Variants in CAGE1 observed in about 807,000 individuals in gnomAD.
The protein encoded by CAGE1 is cancer-associated gene 1 protein.
In CAGE1, 66 loss-of-function variants were observed where a neutral mutation model predicts 94.9. The ratio of observed to expected loss-of-function variants is 0.70; its 90% CI spans 0.57 to 0.85. The LOEUF (loss-of-function observed/expected upper bound fraction) is 0.85, where lower values mean the gene tolerates loss of function less well. CAGE1 is among the 40% of genes least tolerant of loss of function. CAGE1 has a pLI of 0.00. For synonymous variants in CAGE1, 319 were observed against 321.0 expected (o/e 0.99, Z 0.07); for missense variants, 865 against 950.4 (o/e 0.91, Z 1.18).
At chr6:7,327,121 C>T (rs866486182) in intron 13 of CAGE1, among the ~76,000 whole-genome samples, 2 of 152,092 alleles carry the variant, frequency 1.3e-5, no homozygotes, top group Non-Finnish European at 2.9e-5. Flanking sequence ...GGTACAATCT[C>T]GGCTCACTGC....
At chr6:7,328,989 T>G (rs1758644396) in intron 13 of CAGE1, 1 of 168,168 alleles carries the variant, frequency 5.9e-6, no homozygotes, top group Non-Finnish European at 1.2e-5. Flanking sequence ...TGGAGTGCGG[T>G]GGTAAGATCT....
intron 11 of CAGE1, among the ~76,000 whole-genome samples, chr6:7,345,804 A>T (rs911330842): frequency 6.6e-6 from 1 of 152,122 alleles, no homozygotes; most frequent in Non-Finnish European, 1.5e-5. Context: ...AGGCCCCCAT[A>T]GTCCCAGCTA....
Position 7,328,906 on chromosome 6 carries a change from GTGTGTGTGTGTGTA to G in CAGE1, c.2478+929_2478+942del, listed in dbSNP as rs1182528853. Among the ~76,000 whole-genome samples, 96 of 101,072 alleles carry G rather than the reference GTGTGTGTGTGTGTA, an allele frequency of 9.5e-4. 2 individuals carry two copies. Among genetic ancestry groups the G allele is most frequent in the Non-Finnish European group, 1.1e-3 (58 of 50,788 alleles). The allele number at this position is 101,072 out of a possible 152,430, so 66.3% of individuals were successfully genotyped here. On this transcript the variant is annotated intron_variant, in intron 13 of 13. Transcript: ENST00000502583. ...TGTGTGTGTGTGTGTGTGTGTGTGT[GTGTGTGTGTGTGTA>G]TATATATATATATATTTTTTTTTTT...
At chr6:7,379,112 T>C in intron 3 of CAGE1, 92 bp from the exon 4 acceptor site, 2 of 741,410 alleles carry the variant, frequency 2.7e-6, no homozygotes, top group South Asian at 2.5e-5. Context: ...TAAACTGCTG[T>C]AGCCACTTAA....
At chr6:7,344,612 C>T (rs1351087657) in intron 11 of CAGE1, among the ~76,000 whole-genome samples, 1 of 152,146 alleles carries the variant, frequency 6.6e-6, no homozygotes, top group Non-Finnish European at 1.5e-5. Context: ...GCGTACGGCC[C>T]GAGACTGGAA....
Position 7,373,221 on chromosome 6 carries a change from A to G in CAGE1, c.1598T>C (p.Leu533Pro). The G allele has an allele frequency of 6.2e-7, 1 of 1,611,124 alleles. No individual in the cohort carries two copies. The highest frequency in any genetic ancestry group is 8.5e-7 in the Non-Finnish European group (1 of 1,178,290). Residue 533 changes from leucine (L) to proline (P), a missense_variant, in exon 5 of 14, where the codon CTT (leucine) becomes CCT (proline). Coordinates refer to ENST00000502583, the MANE Select transcript of CAGE1 (RefSeq NM_001170692.2). The stretch of plus-strand genomic sequence containing the variant: ...TTTTACTTCGTTGATTTGCTGCTGA[A>G]GTTTTATATTCTTCGTTCTTTCATT... The part of the protein sequence containing the change: ...SENERTKNIK[L>P]QQQINEVKNE...
At chr6:7,351,855 CA>C (rs1759779382) in intron 11 of CAGE1, among the ~76,000 whole-genome samples, 1 of 152,090 alleles carries the variant, frequency 6.6e-6, no homozygotes, top group South Asian at 2.1e-4. Flanking sequence ...CAATTCTCAG[CA>C]AAACTGGCAT....
In CAGE1 at chr6:7,329,840, G is replaced by A; in HGVS notation, c.2478+9C>T. On this transcript the variant is annotated intron_variant, in intron 13 of 13. Transcript: ENST00000502583. ...AAGATTCTTTATCATGATCATCAAGGTGACCTACCATGGTCATGGACTTCG... is the reference window on the plus strand; with the variant it reads ...AAGATTCTTTATCATGATCATCAAGATGACCTACCATGGTCATGGACTTCG... The A allele has an allele frequency of 7.4e-7, 1 of 1,353,736 alleles. No individual in the cohort carries two copies. The highest frequency in any genetic ancestry group is 1.0e-6 in the Non-Finnish European group (1 of 959,108). 83.9% of individuals were successfully genotyped at this position (1,353,736 alleles called of 1,614,324 possible).
chr6:7,384,532 C>G lies in CAGE1; in HGVS notation c.283+1253G>C, dbSNP rs557356202. ...CTGTAATCCCAACACTTTGGGACAC[C>G]GAGGCAGGAGACTCACTTGAGCCCA... On this transcript the variant is annotated intron_variant, in intron 3 of 13. Coordinates refer to ENST00000502583, the MANE Select transcript of CAGE1 (RefSeq NM_001170692.2). 4.6e-5 allele frequency among the ~76,000 whole-genome samples: 7 copies of G among 152,046 alleles called. No individual in the cohort carries two copies. The South Asian group carries it at 1.0e-3, about 23-fold the overall frequency.
chr6:7,378,006 T>G (rs1223161222), intron 4 of CAGE1, among the ~76,000 whole-genome samples: 1 of 152,228 alleles, frequency 6.6e-6, no homozygotes, highest in Non-Finnish European at 1.5e-5. Context: ...AGAGAAATCT[T>G]GTTTTTCTTG....
At chr6:7,368,646 C>T (rs1476776387) in intron 7 of CAGE1, 42 bp downstream of exon 7, 2 of 1,065,690 alleles carry the variant, frequency 1.9e-6, no homozygotes, top group Non-Finnish European at 2.7e-6. Context: ...TATTTTTTCA[C>T]TAAAAATAAT....
At position 7,362,661 on chromosome 6, in the gene CAGE1, G is replaced by T. The variant is rs772959062; in HGVS notation, c.2193+2807C>A. 2.6e-5 allele frequency among the ~76,000 whole-genome samples: 4 copies of T among 152,116 alleles called. No homozygotes were observed. The highest frequency in any genetic ancestry group is 9.7e-5 in the African/African-American group (4 of 41,408). On this transcript the variant is annotated intron_variant, in intron 9 of 13. Transcript: ENST00000502583. The surrounding 1 kb of genome is among the most constrained non-coding windows in gnomAD (Gnocchi z 4.1). ...CATGAGCATCACCCTGCACTCCAGC[G>T]GCCACACCTTGCTGGCCCAGAGTTC... is the stretch of plus-strand genomic sequence containing the variant.
At chr6:7,338,837 T>G (rs989597150) in intron 11 of CAGE1, 14 of 1,139,356 alleles carry the variant, frequency 1.2e-5, no homozygotes, top group Middle Eastern at 2.8e-4. Context: ...AAGGAGATCC[T>G]GTTATGCTGT....
intron 9 of CAGE1, among the ~76,000 whole-genome samples, chr6:7,357,596 G>T (rs1760001357): frequency 6.6e-6 from 1 of 151,956 alleles, no homozygotes; most frequent in Non-Finnish European, 1.5e-5. Context: ...CTTCCTTACA[G>T]AATAATATTT....
chr6:7,358,403 A>C (rs1477065971), intron 9 of CAGE1, among the ~76,000 whole-genome samples: 2 of 152,068 alleles, frequency 1.3e-5, no homozygotes, highest in Non-Finnish European at 2.9e-5. Context: ...ATTTTCATTG[A>C]ATGAATATAT....
Position 7,356,111 on chromosome 6 carries a change from G to A in CAGE1, c.2212C>T (p.Leu738Phe). 2 of 1,546,074 alleles carry A rather than the reference G, an allele frequency of 1.3e-6. No individual in the cohort carries two copies. The highest frequency in any genetic ancestry group is 1.8e-6 in the Non-Finnish European group (2 of 1,142,004). ...LDFLITKLGH[L>F]LESKENHCNR... ...CAGTGGTTTTCTTTTGACTCTAGGA[G>A]ATGTCCCAGTTTTGTGATCTATGGA... The change falls in exon 10 of 14, where the codon CTC becomes TTC. Residue 738 changes from leucine to phenylalanine, a missense_variant. Leu to Phe is a conservative substitution (Grantham distance 22, BLOSUM62 0). Coordinates refer to ENST00000502583, the MANE Select transcript of CAGE1 (RefSeq NM_001170692.2).
intron 9 of CAGE1, among the ~76,000 whole-genome samples, chr6:7,363,528 C>A (rs1306372814): frequency 6.6e-6 from 1 of 152,134 alleles, no homozygotes; most frequent in Non-Finnish European, 1.5e-5. Context: ...TTCTCTCATG[C>A]CAATTATTTA....
At chr6:7,345,188 G>A (rs953328216) in intron 11 of CAGE1, among the ~76,000 whole-genome samples, 15 of 122,978 alleles carry the variant, frequency 1.2e-4, no homozygotes, top group Non-Finnish European at 2.3e-4. Context: ...TCCTTGTGAA[G>A]GTTTGTAGTT....
intron 13 of CAGE1, among the ~76,000 whole-genome samples, chr6:7,327,337 T>C (rs1233641428): frequency 2.0e-5 from 3 of 152,010 alleles, no homozygotes; most frequent in Non-Finnish European, 2.9e-5. Context: ...ATATTTTTGA[T>C]AGAGATGGGG....
Sources: gnomAD v4.1 joint callset for allele counts (sites outside exome capture counted in the v4.1 genomes callset) on GRCh38, gnomAD v4.1.1 for gene constraint, Gnocchi (gnomAD v3.1) non-coding constraint, MANE v1.5 for transcripts, NCBI Gene and HGNC (gene_info 2026-07-23, HGNC 2026-07-21) for gene names.